The following DIAPH2 variants were observed in gnomAD, a reference collection of about 807,000 sequenced individuals.
The protein encoded by DIAPH2 is diaphanous related formin 2.
Under a neutral mutation model 92.7 loss-of-function variants are expected in DIAPH2, and 35 were observed. That is an observed-to-expected ratio of 0.38 (90% confidence interval 0.29 to 0.50). The LOEUF (loss-of-function observed/expected upper bound fraction) is 0.50, where lower values mean the gene tolerates loss of function less well. DIAPH2 is among the 20% of genes least tolerant of loss of function. The pLI, the probability that DIAPH2 is intolerant of heterozygous loss-of-function variation, is 0.94. For missense variants in DIAPH2, 701 were observed against 819.5 expected, an observed-to-expected ratio of 0.86 and a Z score of 1.77; for synonymous variants, 301 against 280.4, an observed-to-expected ratio of 1.07 and a Z score of -0.73.
chrX:97,169,491 G>T (rs977240435), intron 22 of DIAPH2, among the ~76,000 whole-genome samples: 19 of 111,589 alleles, frequency 1.7e-4, no homozygotes, highest in African/African-American at 6.2e-4. Flanking sequence ...TTCAGTAATT[G>T]AGGCAGAAAT....
intron 5 of DIAPH2, among the ~76,000 whole-genome samples, chrX:96,901,468 C>G (rs1428019969): frequency 1.1e-5 from 1 of 94,550 alleles, no homozygotes; most frequent in Non-Finnish European, 2.1e-5. Flanking sequence ...TTTAGTTCTG[C>G]TCTGATCTTT....
At chrX:96,757,565 T>C (rs952731329) in intron 3 of DIAPH2, among the ~76,000 whole-genome samples, 1 of 112,487 alleles carries the variant, frequency 8.9e-6, no homozygotes, top group East Asian at 2.8e-4. Flanking sequence ...TGAATTAAAG[T>C]TTATTGAACC....
intron 22 of DIAPH2, among the ~76,000 whole-genome samples, chrX:97,244,291 G>A (rs1452990723): frequency 8.9e-6 from 1 of 111,961 alleles, no homozygotes; most frequent in Non-Finnish European, 1.9e-5. Flanking sequence ...GACATATGTA[G>A]ACTGCTGTGT....
chrX:96,719,648 C>CG (rs2063977352), intron 1 of DIAPH2, among the ~76,000 whole-genome samples: 1 of 111,766 alleles, frequency 8.9e-6, no homozygotes, highest in Non-Finnish European at 1.9e-5. Context: ...GTCTCTGTGT[C>CG]TGTTTTTATG....
At chrX:97,436,532 G>A (rs2070188516) in intron 26 of DIAPH2, among the ~76,000 whole-genome samples, 1 of 111,811 alleles carries the variant, frequency 8.9e-6, no homozygotes, top group Non-Finnish European at 1.9e-5. Flanking sequence ...TAGGGGACAA[G>A]AAACAATGTT....
chrX:96,983,072 AT>A (rs201967048), intron 17 of DIAPH2, among the ~76,000 whole-genome samples: 1 of 109,363 alleles, frequency 9.1e-6, no homozygotes, highest in East Asian at 2.9e-4. Context: ...AAGCAATGGG[AT>A]TTTTTTTCTT....
rs190291397 is a variant in DIAPH2, at chrX:97,215,978, G to T, written c.2720-31737G>T. On this transcript the variant is annotated intron_variant, in intron 22 of 26. Transcript: ENST00000324765. ...CTCTATTTCCTTTATTCGTGTGTCC[G>T]TTAACAACCCTTTCTGATAATGTCA... 4.8e-4 allele frequency among the ~76,000 whole-genome samples: 54 copies of T among 111,853 alleles called. No homozygotes were observed. The South Asian group carries it at 0.02, about 41-fold the overall frequency.
At position 97,400,808 on chromosome X, in the gene DIAPH2, G is replaced by T. The variant is rs139329374; in HGVS notation, c.3145+16764G>T. Among the ~76,000 whole-genome samples the T allele has an allele frequency of 5.5e-3, 614 of 111,245 alleles. 2 individuals carry two copies. The highest frequency in any genetic ancestry group is 0.019 in the African/African-American group (583 of 30,626). On this transcript the variant is annotated intron_variant, in intron 25 of 26. Coordinates refer to ENST00000324765, the MANE Select transcript of DIAPH2 (RefSeq NM_006729.5). ...AACAAGCATACAGTATTGATGTCAA[G>T]GTCTTGTATTACCCACCTTAGAACA...
intron 19 of DIAPH2, among the ~76,000 whole-genome samples, chrX:97,091,058 G>A (rs2147353041): frequency 9.0e-6 from 1 of 110,695 alleles, no homozygotes; most frequent in East Asian, 2.9e-4. Flanking sequence ...CCAGGCTGGA[G>A]TGCAGTGGCA....
At chrX:97,384,788 A>G (rs2069583350) in intron 25 of DIAPH2, among the ~76,000 whole-genome samples, 1 of 110,026 alleles carries the variant, frequency 9.1e-6, no homozygotes, top group Admixed American at 9.8e-5. Context: ...ATTGCTTGAA[A>G]CTGGGGGGCG....
At chrX:96,944,495 C>A (rs1346529884) in intron 13 of DIAPH2, among the ~76,000 whole-genome samples, 2 of 111,605 alleles carry the variant, frequency 1.8e-5, no homozygotes, top group Non-Finnish European at 3.8e-5. Context: ...CTGCATTGTC[C>A]TTTTAGTTCT....
At chrX:96,973,177 A>G (rs921972770) in intron 17 of DIAPH2, among the ~76,000 whole-genome samples, 2 of 111,796 alleles carry the variant, frequency 1.8e-5, no homozygotes, top group Non-Finnish European at 3.8e-5. Context: ...TCAACCAGCC[A>G]TGGACAGAAA....
chrX:96,747,759 C>T (rs1415036158), intron 3 of DIAPH2, among the ~76,000 whole-genome samples: 1 of 111,717 alleles, frequency 9.0e-6, no homozygotes, highest in Non-Finnish European at 1.9e-5. Flanking sequence ...AGTTAGTTAG[C>T]TTGGATGAAT....
chrX:97,136,676 C>G (rs780826390), intron 21 of DIAPH2, among the ~76,000 whole-genome samples: 5 of 111,060 alleles, frequency 4.5e-5, no homozygotes, highest in Non-Finnish European at 9.5e-5. Context: ...TTTGAGCTGC[C>G]ATCCTTTTCC....
chrX:97,376,092 T>TAA lies in DIAPH2; in HGVS notation c.3010-7804_3010-7803dup, dbSNP rs58847602. ...GTGAGGTGACAGAACTAGAGATGTTTAAAAAAAAAAAAAACAGTAATTCCC... is the reference window on the plus strand; with the variant it reads ...GTGAGGTGACAGAACTAGAGATGTTTAAAAAAAAAAAAAAAACAGTAATTCCC... On this transcript the variant is annotated intron_variant, in intron 24 of 26. Coordinates refer to ENST00000324765, the MANE Select transcript of DIAPH2 (RefSeq NM_006729.5). 2.1e-3 allele frequency among the ~76,000 whole-genome samples: 206 copies of TAA among 99,060 alleles called. 1 individual carries two copies. Among genetic ancestry groups the TAA allele is most frequent in the African/African-American group, 7.2e-3 (197 of 27,417 alleles). 86.0% of individuals were successfully genotyped at this position (99,060 alleles called of 115,157 possible).
intron 26 of DIAPH2, among the ~76,000 whole-genome samples, chrX:97,485,168 A>G (rs767387642): frequency 8.9e-6 from 1 of 112,276 alleles, no homozygotes; most frequent in East Asian, 2.8e-4. Context: ...CAGTGTGACT[A>G]GTAGCACCAC....
intron 26 of DIAPH2, among the ~76,000 whole-genome samples, chrX:97,458,333 A>T (rs73258361): frequency 1.1e-5 from 1 of 88,313 alleles, no homozygotes; most frequent in Non-Finnish European, 2.1e-5. Context: ...CAAAATCTTG[A>T]GCTCAAGCGA....
chrX:97,323,593 G>GAAAAAA (rs1199744995), intron 23 of DIAPH2, among the ~76,000 whole-genome samples: 2 of 23,260 alleles, frequency 8.6e-5, no homozygotes, highest in East Asian at 1.8e-3. Flanking sequence ...TCCGTCTCAA[G>GAAAAAA]AAAAAAAAAA....
chrX:97,277,909 G>A (rs145308595), intron 23 of DIAPH2, among the ~76,000 whole-genome samples: 8 of 112,014 alleles, frequency 7.1e-5, no homozygotes, highest in African/African-American at 1.6e-4. Context: ...GCAGGGGCGC[G>A]ATCTCGGCTC....
Sources: gnomAD v4.1 joint callset for allele counts (sites outside exome capture counted in the v4.1 genomes callset) on GRCh38, gnomAD v4.1.1 for gene constraint, MANE v1.5 for transcripts, NCBI Gene and HGNC (gene_info 2026-07-23, HGNC 2026-07-21) for gene names.